SEMA3E: variants seen among roughly 807,000 people sequenced by gnomAD.
SEMA3E encodes semaphorin 3E, also known as semaphorin-3E.
Under a neutral mutation model 93.6 loss-of-function variants are expected in SEMA3E, and 49 were observed. That is an observed-to-expected ratio of 0.52 (90% confidence interval 0.42 to 0.66). SEMA3E has a LOEUF of 0.66. SEMA3E is among the 30% of genes least tolerant of loss of function. The probability of loss-of-function intolerance (pLI) is 0.00; values close to 1 mark genes in which losing one functional copy is unlikely to be tolerated. For missense variants in SEMA3E, 906 were observed against 964.8 expected (o/e 0.94, Z 0.81); for synonymous variants, 363 against 330.7 (o/e 1.10, Z -1.06).
chr7:83,542,163 T>A (rs554133794), intron 1 of SEMA3E, among the ~76,000 whole-genome samples: 5 of 150,728 alleles, frequency 3.3e-5, no homozygotes, highest in Non-Finnish European at 7.4e-5. Flanking sequence ...GGCAACATAG[T>A]GAGAATCTGT....
chr7:83,551,627 A>T (rs2115802470), intron 1 of SEMA3E, among the ~76,000 whole-genome samples: 1 of 152,338 alleles, frequency 6.6e-6, no homozygotes, highest in South Asian at 2.1e-4. Context: ...TTTATGATTT[A>T]TAGTATAATT....
chr7:83,410,740 CTA>C (rs890339392), intron 5 of SEMA3E, among the ~76,000 whole-genome samples: 13 of 152,074 alleles, frequency 8.5e-5, no homozygotes, highest in African/African-American at 3.1e-4. Context: ...ATCATCAACT[CTA>C]TGGCATAAAC....
chr7:83,559,093 A>T (rs1317855198), intron 1 of SEMA3E, among the ~76,000 whole-genome samples: 2 of 152,054 alleles, frequency 1.3e-5, no homozygotes, highest in Non-Finnish European at 2.9e-5. Context: ...CTTTGACTGG[A>T]TCAATTTTGA....
At chr7:83,541,981 G>A (rs1216453071) in intron 1 of SEMA3E, among the ~76,000 whole-genome samples, 2 of 152,010 alleles carry the variant, frequency 1.3e-5, no homozygotes, top group Non-Finnish European at 2.9e-5. Flanking sequence ...ATGTTGCTTG[G>A]TGCTACAGTC....
chr7:83,454,270 A>ATAT (rs1230455600), intron 4 of SEMA3E, among the ~76,000 whole-genome samples: 3 of 99,084 alleles, frequency 3.0e-5, no homozygotes, highest in African/African-American at 1.3e-4. Flanking sequence ...AAAAAAAAAA[A>ATAT]AAATATATAT....
chr7:83,576,558 G>A (rs1792405054), intron 1 of SEMA3E, among the ~76,000 whole-genome samples: 1 of 151,966 alleles, frequency 6.6e-6, no homozygotes, highest in African/African-American at 2.4e-5. Flanking sequence ...CAATATCCAA[G>A]ATGAATGTGT....
rs200404178 is a variant in SEMA3E at position 83,392,508 on chromosome 7, G to A, written c.1667+47C>T. 9.0e-6 allele frequency: 14 copies of A among 1,548,142 alleles called. No individual in the cohort carries two copies. The East Asian group carries it at 9.1e-5, about 10-fold the overall frequency. On this transcript the variant is annotated intron_variant, in intron 14 of 16. Transcript: ENST00000643230. ...TAAAAAAAAAAAAAAAAAAGCATTAGGGTTTTCCTAAGCAAGGGAAATAGT... is the reference window on the plus strand; with the variant it reads ...TAAAAAAAAAAAAAAAAAAGCATTAAGGTTTTCCTAAGCAAGGGAAATAGT...
At chr7:83,431,568 T>C (rs1024906269) in intron 4 of SEMA3E, among the ~76,000 whole-genome samples, 1 of 152,134 alleles carries the variant, frequency 6.6e-6, no homozygotes, top group Non-Finnish European at 1.5e-5. Context: ...CATGCCCGGC[T>C]AGTTTTTGTA....
At chr7:83,562,151 T>C (rs1792042360) in intron 1 of SEMA3E, among the ~76,000 whole-genome samples, 4 of 152,190 alleles carry the variant, frequency 2.6e-5, no homozygotes, top group Admixed American at 6.6e-5. Flanking sequence ...ATTTCTATTT[T>C]TTTAAATCTA....
At chr7:83,531,476 C>T (rs1252964096) in intron 1 of SEMA3E, among the ~76,000 whole-genome samples, 3 of 149,052 alleles carry the variant, frequency 2.0e-5, no homozygotes, top group Non-Finnish European at 4.5e-5. Flanking sequence ...CCTCTGGTTC[C>T]AGAGTAGCTG....
chr7:83,402,853 G>C, intron 9 of SEMA3E, 77 bp from the exon 10 acceptor site: 2 of 1,409,542 alleles, frequency 1.4e-6, no homozygotes, highest in Admixed American at 1.9e-5. Context: ...AGCCTACAAA[G>C]ATAAGAGTCA....
At chr7:83,443,181 G>A (rs1240959471) in intron 4 of SEMA3E, among the ~76,000 whole-genome samples, 2 of 152,172 alleles carry the variant, frequency 1.3e-5, no homozygotes, top group Admixed American at 6.5e-5. Flanking sequence ...GGGTAGTGGA[G>A]TACCTTTGTA....
chr7:83,407,891 T>TACC (rs966182025), intron 6 of SEMA3E, among the ~76,000 whole-genome samples: 2 of 152,136 alleles, frequency 1.3e-5, no homozygotes, highest in African/African-American at 4.8e-5. Context: ...CACCTCCATA[T>TACC]ACCAGTGTGC....
rs564870199 is a variant in SEMA3E, at chr7:83,474,218, C to A, written c.277-4916G>T. On this transcript the variant is annotated intron_variant, in intron 2 of 16. Transcript: ENST00000643230. ...GAAGTGAAAGAGGCTTGTCACTTAA[C>A]TTATACATTATGTAGCCAAATCCAT... Among the ~76,000 whole-genome samples the A allele has an allele frequency of 2.2e-4, 34 of 151,266 alleles. No individual in the cohort carries two copies. The East Asian group carries it at 6.6e-3, about 30-fold the overall frequency.
chr7:83,437,809 T>C (rs1291787409), intron 4 of SEMA3E, among the ~76,000 whole-genome samples: 1 of 152,154 alleles, frequency 6.6e-6, no homozygotes, highest in African/African-American at 2.4e-5. Flanking sequence ...TAGAATCTTT[T>C]CATTCTAGAA....
At chr7:83,584,973 C>T (rs771275465) in intron 1 of SEMA3E, among the ~76,000 whole-genome samples, 2 of 152,056 alleles carry the variant, frequency 1.3e-5, no homozygotes, top group Admixed American at 6.6e-5. Context: ...CACTCCTTAC[C>T]GTGAGCAAGA....
chr7:83,464,959 C>T (rs1217704456), intron 4 of SEMA3E, among the ~76,000 whole-genome samples: 1 of 151,690 alleles, frequency 6.6e-6, no homozygotes, highest in Non-Finnish European at 1.5e-5. Context: ...GAGCCCAAGC[C>T]AAGCCATCGC....
At position 83,464,496 on chromosome 7, in the gene SEMA3E, T is replaced by A. The variant is rs545681436; in HGVS notation, c.456+1986A>T. ...TTTCCAAGCCATCACAGCTGATATCTCCTGGTGCTATCCCCAAACTGCCAC... is the reference window on the plus strand; with the variant it reads ...TTTCCAAGCCATCACAGCTGATATCACCTGGTGCTATCCCCAAACTGCCAC... On this transcript the variant is annotated intron_variant, in intron 4 of 16. Transcript: ENST00000643230. Among the ~76,000 whole-genome samples the A allele has an allele frequency of 5.6e-5, 6 of 107,664 alleles. 1 individual carries two copies. The East Asian group carries it at 1.9e-3, about 34-fold the overall frequency. 70.6% of individuals were successfully genotyped at this position (107,664 alleles called of 152,430 possible). A position where few individuals can be genotyped will look rare whatever the true frequency, so the allele number is the denominator to read the frequency against.
intron 16 of SEMA3E, among the ~76,000 whole-genome samples, chr7:83,373,578 A>T (rs955165670): frequency 2.0e-5 from 3 of 152,160 alleles, no homozygotes; most frequent in African/African-American, 7.2e-5. Flanking sequence ...GGGGAAACCT[A>T]TCACACTACG....
Sources: gnomAD v4.1 joint callset for allele counts (sites outside exome capture counted in the v4.1 genomes callset) on GRCh38, gnomAD v4.1.1 for gene constraint, MANE v1.5 for transcripts, NCBI Gene and HGNC (gene_info 2026-07-23, HGNC 2026-07-21) for gene names.